CACNB2: variants seen among roughly 807,000 people sequenced by gnomAD.
CACNB2 encodes the protein voltage-dependent L-type calcium channel subunit beta-2.
CACNB2 carries 42 observed loss-of-function variants against 73.3 expected under a neutral mutation model. The ratio of observed to expected loss-of-function variants is 0.57; its 90% CI spans 0.45 to 0.74. CACNB2 has a LOEUF of 0.74. Ranked by LOEUF, CACNB2 falls within the 30% of genes least tolerant of loss-of-function variation. The probability of loss-of-function intolerance (pLI) is 0.00; values close to 1 mark genes in which losing one functional copy is unlikely to be tolerated. For synonymous variants in CACNB2, 348 were observed against 310.3 expected, an observed-to-expected ratio of 1.12 and a Z score of -1.28; for missense variants, 940 against 853.0, an observed-to-expected ratio of 1.10 and a Z score of -1.27.
chr10:18,163,799 C>G (rs1347392995), intron 2 of CACNB2, among the ~76,000 whole-genome samples: 1 of 152,092 alleles, frequency 6.6e-6, no homozygotes, highest in Non-Finnish European at 1.5e-5. Flanking sequence ...AAATAAAGGG[C>G]AGGAGTTCTG....
At chr10:18,445,894 C>T (rs1036126914) in intron 3 of CACNB2, among the ~76,000 whole-genome samples, 1 of 152,016 alleles carries the variant, frequency 6.6e-6, no homozygotes, top group Non-Finnish European at 1.5e-5. Flanking sequence ...ATTAGCTGGG[C>T]GTGGTGGCAC....
intron 2 of CACNB2, among the ~76,000 whole-genome samples, chr10:18,183,578 T>G (rs2033997869): frequency 6.6e-6 from 1 of 152,070 alleles, no homozygotes; most frequent in African/African-American, 2.4e-5. Context: ...GAACCCCTCT[T>G]TATAAAACCA....
chr10:18,409,496 C>G (rs1156627709), intron 3 of CACNB2, among the ~76,000 whole-genome samples: 2 of 152,166 alleles, frequency 1.3e-5, no homozygotes, highest in African/African-American at 4.8e-5. Context: ...TTCAGCTTAT[C>G]ACTTATCTTG....
In CACNB2 at chr10:18,425,732, T is replaced by G. The variant is rs570454351; in HGVS notation, c.333+23689T>G. Reference sequence around the variant, plus strand: ...CCTACCTTAGCCTCATAAAGAATTCTTCTATCTTTATTTCTAACAGTTTTA... The same window carrying G: ...CCTACCTTAGCCTCATAAAGAATTCGTCTATCTTTATTTCTAACAGTTTTA... On this transcript the variant is annotated intron_variant, in intron 3 of 13. Transcript: ENST00000324631. 1.1e-3 allele frequency among the ~76,000 whole-genome samples: 167 copies of G among 152,328 alleles called. 1 individual carries two copies. The highest frequency in any genetic ancestry group is 8.1e-3 in the South Asian group (39 of 4,830).
chr10:18,225,666 G>T (rs2035965009), intron 2 of CACNB2, among the ~76,000 whole-genome samples: 1 of 146,622 alleles, frequency 6.8e-6, no homozygotes, highest in African/African-American at 2.5e-5. Flanking sequence ...TTTTGGCAGG[G>T]TCTCCCTCTG....
intron 2 of CACNB2, among the ~76,000 whole-genome samples, chr10:18,169,373 A>G (rs949378314): frequency 2.0e-5 from 3 of 152,152 alleles, no homozygotes; most frequent in African/African-American, 7.2e-5. Flanking sequence ...TTTTATGTTT[A>G]CAAATAGGTT....
chr10:18,405,011 T>G (rs770381957), intron 3 of CACNB2, among the ~76,000 whole-genome samples: 5 of 152,244 alleles, frequency 3.3e-5, no homozygotes, highest in African/African-American at 1.2e-4. Flanking sequence ...TGGCATACTT[T>G]GCAAATCCTG....
Position 18,232,837 on chromosome 10 carries a change from C to T in CACNB2, c.213+81862C>T, listed in dbSNP as rs1370233752. Among the ~76,000 whole-genome samples the T allele has an allele frequency of 2.6e-5, 4 of 152,280 alleles. No homozygotes were observed. The East Asian group carries it at 5.8e-4, about 22-fold the overall frequency. On this transcript the variant is annotated intron_variant, in intron 2 of 13. Coordinates refer to ENST00000324631, the MANE Select transcript of CACNB2 (RefSeq NM_201596.3). ...GTGCAGTGGCTCATGCCTGTAATCC[C>T]GGCATTCTGGGAAGCCTAGACAGGC...
intron 9 of CACNB2, among the ~76,000 whole-genome samples, 153 bp downstream of exon 9, chr10:18,519,121 A>C (rs999315866): frequency 6.6e-6 from 1 of 152,162 alleles, no homozygotes; most frequent in Non-Finnish European, 1.5e-5. Context: ...GATTCAATCA[A>C]TATTTATCAT....
At chr10:18,489,890 T>A (rs1253599350) in intron 3 of CACNB2, among the ~76,000 whole-genome samples, 2 of 152,022 alleles carry the variant, frequency 1.3e-5, no homozygotes, top group Non-Finnish European at 2.9e-5. Flanking sequence ...TTAGTTTCGG[T>A]TTTTTGAGAC....
At chr10:18,538,120 G>A in intron 12 of CACNB2, 60 bp from the exon 13 acceptor site, 2 of 1,540,042 alleles carry the variant, frequency 1.3e-6, no homozygotes, top group Non-Finnish European at 1.8e-6. Context: ...TCTTATGGAG[G>A]TGGGAAGGGG....
intron 3 of CACNB2, among the ~76,000 whole-genome samples, chr10:18,424,269 C>T (rs533289766): frequency 1.3e-5 from 2 of 152,238 alleles, no homozygotes; most frequent in South Asian, 2.1e-4. Flanking sequence ...TCCTCTACTG[C>T]CCCTGCAGAG....
At chr10:18,457,613 G>A (rs1294490665) in intron 3 of CACNB2, among the ~76,000 whole-genome samples, 10 of 152,030 alleles carry the variant, frequency 6.6e-5, no homozygotes, top group African/African-American at 1.9e-4. Context: ...GGAGAGGGCC[G>A]GTCGCGGTGG....
intron 3 of CACNB2, among the ~76,000 whole-genome samples, chr10:18,465,682 CTT>C (rs1264310420): frequency 1.1e-4 from 15 of 138,328 alleles, no homozygotes; most frequent in East Asian, 2.1e-4. Flanking sequence ...CCAACTTCTT[CTT>C]TTTTTTTTTT....
intron 2 of CACNB2, among the ~76,000 whole-genome samples, chr10:18,336,594 G>A (rs2041016105): frequency 6.6e-6 from 1 of 151,392 alleles, no homozygotes; most frequent in South Asian, 2.1e-4. Flanking sequence ...ACTCCAGCCT[G>A]GGTAACAGAG....
chr10:18,450,530 C>T (rs554301125), intron 3 of CACNB2, among the ~76,000 whole-genome samples: 2 of 152,168 alleles, frequency 1.3e-5, no homozygotes, highest in African/African-American at 4.8e-5. Context: ...CTGGGTGTTC[C>T]TTCTCACTGC....
At chr10:18,336,596 G>GCC (rs2041016581) in intron 2 of CACNB2, among the ~76,000 whole-genome samples, 1 of 151,144 alleles carries the variant, frequency 6.6e-6, no homozygotes, top group Non-Finnish European at 1.5e-5. Context: ...TCCAGCCTGG[G>GCC]TAACAGAGAG....
chr10:18,260,437 A>G (rs1468712114), intron 2 of CACNB2: 1 of 985,326 alleles, frequency 1.0e-6, no homozygotes, highest in African/African-American at 1.7e-5. Flanking sequence ...CCAGAAAATG[A>G]ACATTTGCCA....
At chr10:18,516,607 G>C (rs190125384) in intron 7 of CACNB2, among the ~76,000 whole-genome samples, 1 of 152,356 alleles carries the variant, frequency 6.6e-6, no homozygotes, top group East Asian at 1.9e-4. Context: ...TGGTATAAAT[G>C]AAATAGTTTA....
Sources: allele counts gnomAD v4.1 joint callset (sites outside exome capture counted in the v4.1 genomes callset), GRCh38; gene constraint gnomAD v4.1.1; transcripts MANE v1.5; gene names NCBI Gene and HGNC (gene_info 2026-07-23, HGNC 2026-07-21).